Variants in TJP2 observed in about 807,000 individuals in gnomAD.
TJP2 encodes tight junction protein 2, also known as Friedreich ataxia region gene X104 (tight junction protein ZO-2).
Under a neutral mutation model 133.1 loss-of-function variants are expected in TJP2, and 91 were observed. The ratio of observed to expected loss-of-function variants is 0.68; its 90% CI spans 0.58 to 0.81. The LOEUF (loss-of-function observed/expected upper bound fraction) is 0.81, where lower values mean the gene tolerates loss of function less well. Ranked by LOEUF, TJP2 falls within the 40% of genes least tolerant of loss-of-function variation. The probability of loss-of-function intolerance (pLI) is 0.00; values close to 1 mark genes in which losing one functional copy is unlikely to be tolerated. For synonymous variants in TJP2, 592 were observed against 583.4 expected (o/e 1.01, Z -0.21); for missense variants, 1,541 against 1,565.6 (o/e 0.98, Z 0.26).
At chr9:69,159,864 C>CAAA (rs529283295) in intron 2 of TJP2, among the ~76,000 whole-genome samples, 1 of 87,800 alleles carries the variant, frequency 1.1e-5, no homozygotes, top group African/African-American at 4.3e-5. Context: ...GACTCTGTCT[C>CAAA]AAAAAAAAAA....
At chr9:69,165,640 T>G (rs1824309955) in intron 2 of TJP2, among the ~76,000 whole-genome samples, 1 of 152,198 alleles carries the variant, frequency 6.6e-6, no homozygotes, top group Admixed American at 6.5e-5. Context: ...TGCTTCTCAG[T>G]GGAGGGCTAA....
intron 1 of TJP2, among the ~76,000 whole-genome samples, chr9:69,196,015 T>C (rs1826533551): frequency 6.6e-6 from 1 of 152,202 alleles, no homozygotes; most frequent in South Asian, 2.1e-4. Flanking sequence ...CAGGCTAGAG[T>C]GCAGTGGTGC....
rs1238624714 is a variant in TJP2, at chr9:69,240,164, TGTA to T, written c.2566+20_2566+22del. 1 of 1,602,880 alleles carries T rather than the reference TGTA, an allele frequency of 6.2e-7. No homozygotes were observed. The highest frequency in any genetic ancestry group is 1.3e-5 in the African/African-American group (1 of 74,710). ...TTTTTACAGGTAAGTGAAATGTAAA[TGTA>T]GTCCCTTTGCTAAAAAATGAGAAAT... On this transcript the variant is annotated intron_variant, in intron 17 of 22. Coordinates refer to ENST00000377245, the MANE Select transcript of TJP2 (RefSeq NM_004817.4).
chr9:69,204,948 A>G, intron 1 of TJP2: 1 of 1,295,724 alleles, frequency 7.7e-7, no homozygotes, highest in Non-Finnish European at 9.8e-7. Context: ...AAGTGGTGCA[A>G]ATCCAAACTG....
intron 16 of TJP2, among the ~76,000 whole-genome samples, chr9:69,239,551 C>T (rs935948801): frequency 6.6e-6 from 1 of 152,170 alleles, no homozygotes; most frequent in African/African-American, 2.4e-5. Flanking sequence ...TGGCTCATGC[C>T]TGTAATCCCA....
intron 1 of TJP2, among the ~76,000 whole-genome samples, chr9:69,122,391 C>T (rs931235433): frequency 2.0e-5 from 3 of 152,206 alleles, no homozygotes; most frequent in African/African-American, 7.2e-5. Context: ...ACCGTACAGC[C>T]CTGGGGGTGC....
intron 2 of TJP2, among the ~76,000 whole-genome samples, chr9:69,159,680 C>A (rs1421022618): frequency 2.0e-5 from 3 of 151,936 alleles, no homozygotes; most frequent in Non-Finnish European, 2.9e-5. Flanking sequence ...AGATCGAGAC[C>A]ATCCTGGCTA....
At chr9:69,176,852 T>C (rs1825128903) in intron 1 of TJP2, among the ~76,000 whole-genome samples, 1 of 152,156 alleles carries the variant, frequency 6.6e-6, no homozygotes, top group Admixed American at 6.6e-5. Context: ...AGACACAAGT[T>C]ATTGAAACTA....
chr9:69,227,653 C>G, intron 7 of TJP2, 112 bp from the exon 8 acceptor site: 1 of 747,054 alleles, frequency 1.3e-6, no homozygotes, highest in Non-Finnish European at 2.2e-6. Flanking sequence ...CATTTCCTGC[C>G]TACCTCGTTT....
intron 1 of TJP2, among the ~76,000 whole-genome samples, chr9:69,203,124 G>A (rs867078872): frequency 9.2e-5 from 14 of 151,916 alleles, no homozygotes; most frequent in Non-Finnish European, 1.2e-4. Flanking sequence ...GAAGGAGTGG[G>A]CTGGCCTGAA....
intron 10 of TJP2, among the ~76,000 whole-genome samples, chr9:69,229,824 C>T (rs2133341212): frequency 6.6e-6 from 1 of 152,284 alleles, no homozygotes; most frequent in Non-Finnish European, 1.5e-5. Flanking sequence ...TATTTGCTTT[C>T]TCATCTTGAA....
At chr9:69,179,509 T>C (rs1825335072) in intron 1 of TJP2, among the ~76,000 whole-genome samples, 2 of 139,330 alleles carry the variant, frequency 1.4e-5, no homozygotes, top group Non-Finnish European at 1.6e-5. Flanking sequence ...TTCTTTTTCT[T>C]TCTTTTTTTT....
At chr9:69,221,577 A>T (rs1450487783) in intron 5 of TJP2, 81 bp downstream of exon 5, 2 of 1,521,472 alleles carry the variant, frequency 1.3e-6, no homozygotes, top group East Asian at 2.5e-5. Flanking sequence ...TTTTCCCCCG[A>T]AAGTGTTGCT....
At chr9:69,129,714 A>T (rs561558499) in intron 1 of TJP2, among the ~76,000 whole-genome samples, 1 of 152,192 alleles carries the variant, frequency 6.6e-6, no homozygotes, top group Admixed American at 6.5e-5. Context: ...AGGCGTGCGG[A>T]TCACTTGAGG....
intron 1 of TJP2, among the ~76,000 whole-genome samples, chr9:69,145,061 T>C (rs1276184037): frequency 6.6e-6 from 1 of 152,228 alleles, no homozygotes; most frequent in Non-Finnish European, 1.5e-5. Context: ...GGATCACACA[T>C]GTTGGGTTCT....
intron 1 of TJP2, among the ~76,000 whole-genome samples, chr9:69,129,509 C>CA (rs1420908067): frequency 1.3e-5 from 2 of 149,048 alleles, no homozygotes; most frequent in South Asian, 2.1e-4. Context: ...GAACCTGTCG[C>CA]AAAAAACAAA....
chr9:69,207,123 C>T (rs191963876), intron 1 of TJP2, among the ~76,000 whole-genome samples: 27 of 152,218 alleles, frequency 1.8e-4, no homozygotes, highest in Admixed American at 1.2e-3. Flanking sequence ...CCACTGCATG[C>T]GTGCGTACAC....
At position 69,199,837 on chromosome 9, in the gene TJP2, C is replaced by T. The variant is rs558622784; in HGVS notation, c.61-12711C>T. ...GAGGGTCTGGAGTCAGGCAGCAGCT[C>T]GGATCCCATCTCTGACAGTGGTGGG... On this transcript the variant is annotated intron_variant, in intron 1 of 22. Coordinates refer to ENST00000377245, the MANE Select transcript of TJP2 (RefSeq NM_004817.4). 7.6e-4 allele frequency among the ~76,000 whole-genome samples: 116 copies of T among 152,268 alleles called. 1 individual carries two copies. The highest frequency in any genetic ancestry group is 2.6e-3 in the African/African-American group (107 of 41,548).
Position 69,236,175 on chromosome 9 carries a change from G to C in TJP2, c.1928G>C (p.Gly643Ala). The change falls in exon 13 of 23, where the codon GGC (glycine) becomes GCC (alanine). Residue 643 changes from glycine (G) to alanine (A), a missense_variant. Gly to Ala is a moderately conservative substitution (Grantham distance 60). Coordinates refer to ENST00000377245, the MANE Select transcript of TJP2 (RefSeq NM_004817.4). ...VVDTLYDGKL[G>A]NWLAVRIGNE... ...GACACACTGTATGACGGCAAGCTGGGCAACTGGCTGGCTGTGAGGATTGGG... is the reference window on the plus strand; with the variant it reads ...GACACACTGTATGACGGCAAGCTGGCCAACTGGCTGGCTGTGAGGATTGGG... 1 of 1,614,154 alleles carries C rather than the reference G, an allele frequency of 6.2e-7. No homozygotes were observed. Among genetic ancestry groups the C allele is most frequent in the Non-Finnish European group, 8.5e-7 (1 of 1,180,036 alleles).
Sources: allele counts gnomAD v4.1 joint callset (sites outside exome capture counted in the v4.1 genomes callset), GRCh38; gene constraint gnomAD v4.1.1; transcripts MANE v1.5; gene names NCBI Gene and HGNC (gene_info 2026-07-23, HGNC 2026-07-21).